GLIS1: variants seen among roughly 807,000 people sequenced by gnomAD.
GLIS1 encodes the protein GLIS family zinc finger 1, also known as zinc finger protein GLIS1.
Under a neutral mutation model 63.8 loss-of-function variants are expected in GLIS1, and 24 were observed. The observed-to-expected ratio is 0.38, with a 90% CI of 0.27 to 0.53. The LOEUF is 0.53. Among genes scored for constraint, GLIS1 ranks in the 20% least tolerant of loss-of-function variants. The pLI is 0.85. For missense variants in GLIS1, 1,036 were observed against 1,074.1 expected (o/e 0.96, Z 0.50); for synonymous variants, 450 against 482.5 (o/e 0.93, Z 0.88).
chr1:53,534,697 C>T (rs1644565305), intron 4 of GLIS1, among the ~76,000 whole-genome samples: 1 of 151,628 alleles, frequency 6.6e-6, no homozygotes. Context: ...GTGCACCCCC[C>T]ATCCTTCCAC....
At chr1:53,678,938 G>T (rs1557517687) in intron 2 of GLIS1, among the ~76,000 whole-genome samples, 2 of 152,170 alleles carry the variant, frequency 1.3e-5, no homozygotes, top group South Asian at 4.2e-4. Context: ...CCTGTGGTCT[G>T]GGTTCCCAGG....
At chr1:53,591,696 T>C (rs902834637) in intron 4 of GLIS1, among the ~76,000 whole-genome samples, 1 of 152,140 alleles carries the variant, frequency 6.6e-6, no homozygotes, top group African/African-American at 2.4e-5. Flanking sequence ...CAGGTGGAGT[T>C]GTCACTTAGA....
chr1:53,591,523 A>G (rs1201950628), intron 4 of GLIS1, among the ~76,000 whole-genome samples: 1 of 152,166 alleles, frequency 6.6e-6, no homozygotes, highest in Non-Finnish European at 1.5e-5. Context: ...AGTTATTTTT[A>G]TTACCATTAT....
At chr1:53,660,220 T>C (rs936817416) in intron 2 of GLIS1, among the ~76,000 whole-genome samples, 1 of 152,146 alleles carries the variant, frequency 6.6e-6, no homozygotes, top group African/African-American at 2.4e-5. Flanking sequence ...CTCATTTCCA[T>C]CTTGCAGACC....
In GLIS1 at chr1:53,664,916, T is replaced by G. The variant is rs568008838; in HGVS notation, c.260-64638A>C. On this transcript the variant is annotated intron_variant, in intron 2 of 10. Coordinates refer to ENST00000628545, the MANE Select transcript of GLIS1 (RefSeq NM_001367484.1). Reference sequence around the variant, plus strand: ...CCCTGGGGCAAGAGCACAGATGGTGTGTGAGGGTGAGCAAGGAGGCCTCTG... The same window carrying G: ...CCCTGGGGCAAGAGCACAGATGGTGGGTGAGGGTGAGCAAGGAGGCCTCTG... Among the ~76,000 whole-genome samples, 327 of 151,238 alleles carry G rather than the reference T, an allele frequency of 2.2e-3. 11 individuals are homozygous for G. In the South Asian group the frequency reaches 0.063, roughly 29 times the overall value.
chr1:53,600,847 G>T (rs1645309837), intron 2 of GLIS1, among the ~76,000 whole-genome samples: 1 of 152,240 alleles, frequency 6.6e-6, no homozygotes, highest in Non-Finnish European at 1.5e-5. Context: ...AACACAGTGT[G>T]CAATTATACC....
intron 2 of GLIS1, among the ~76,000 whole-genome samples, chr1:53,652,199 T>C (rs572931412): frequency 6.6e-6 from 1 of 152,330 alleles, no homozygotes; most frequent in South Asian, 2.1e-4. Flanking sequence ...GCCTCTCACA[T>C]GCTTAGCACA....
intron 4 of GLIS1, among the ~76,000 whole-genome samples, chr1:53,593,053 A>G (rs1010200211): frequency 2.0e-5 from 3 of 152,224 alleles, no homozygotes; most frequent in African/African-American, 7.2e-5. Context: ...CAAGTGCTCC[A>G]TGAGTGGGTG....
At chr1:53,593,027 A>G (rs1645208277) in intron 4 of GLIS1, among the ~76,000 whole-genome samples, 2 of 152,248 alleles carry the variant, frequency 1.3e-5, no homozygotes, top group South Asian at 4.1e-4. Context: ...TGGGGACACT[A>G]TGCCCCTTCC....
chr1:53,723,474 T>G (rs915591589), intron 2 of GLIS1, among the ~76,000 whole-genome samples: 1 of 152,110 alleles, frequency 6.6e-6, no homozygotes, highest in African/African-American at 2.4e-5. Context: ...CCTCAGGTGA[T>G]CCGCCTGCCT....
intron 4 of GLIS1, among the ~76,000 whole-genome samples, chr1:53,553,886 G>A (rs1283810193): frequency 1.3e-5 from 2 of 152,216 alleles, no homozygotes; most frequent in Admixed American, 1.3e-4. Context: ...AGGGGCTCTG[G>A]AGAGGTGGGG....
At chr1:53,556,567 G>GT (rs1557448877) in intron 4 of GLIS1, among the ~76,000 whole-genome samples, 8 of 89,644 alleles carry the variant, frequency 8.9e-5, no homozygotes, top group East Asian at 4.3e-4. Flanking sequence ...GTACTGCAGG[G>GT]GTGTGTGTAT....
chr1:53,565,441 T>C (rs1304723427), intron 4 of GLIS1, among the ~76,000 whole-genome samples: 1 of 151,988 alleles, frequency 6.6e-6, no homozygotes, highest in Non-Finnish European at 1.5e-5. Flanking sequence ...AAGACAGGAA[T>C]TAGTTCTTGA....
intron 2 of GLIS1, among the ~76,000 whole-genome samples, chr1:53,655,114 C>T (rs981036154): frequency 2.0e-5 from 3 of 152,126 alleles, no homozygotes; most frequent in African/African-American, 7.2e-5. Flanking sequence ...GAGGACCTGT[C>T]CTCATTTTTT....
At chr1:53,577,513 G>T (rs1002144968) in intron 4 of GLIS1, among the ~76,000 whole-genome samples, 1 of 152,212 alleles carries the variant, frequency 6.6e-6, no homozygotes, top group Non-Finnish European at 1.5e-5. Flanking sequence ...CACTCCTTGA[G>T]TGCGGGAAGT....
chr1:53,727,495 G>A (rs952566491), intron 2 of GLIS1, among the ~76,000 whole-genome samples: 4 of 152,242 alleles, frequency 2.6e-5, no homozygotes, highest in African/African-American at 7.2e-5. Flanking sequence ...ACTCGTAGCT[G>A]CTCTTTAAGC....
chr1:53,654,604 G>A (rs1645944096), intron 2 of GLIS1, among the ~76,000 whole-genome samples: 1 of 152,180 alleles, frequency 6.6e-6, no homozygotes, highest in Non-Finnish European at 1.5e-5. Context: ...AACCAGAACG[G>A]GGACTGGGAA....
intron 2 of GLIS1, among the ~76,000 whole-genome samples, chr1:53,687,873 C>T (rs1295376462): frequency 6.6e-6 from 1 of 152,200 alleles, no homozygotes; most frequent in Admixed American, 6.5e-5. Context: ...TTGACCTCCC[C>T]GCATCTCTCA....
intron 6 of GLIS1, among the ~76,000 whole-genome samples, chr1:53,524,499 C>A (rs1279160633): frequency 7.2e-5 from 11 of 152,212 alleles, no homozygotes; most frequent in Admixed American, 7.2e-4. Flanking sequence ...ACCACACAAG[C>A]CGCGGGAGGT....
Sources: gnomAD v4.1 joint callset for allele counts (sites outside exome capture counted in the v4.1 genomes callset) on GRCh38, gnomAD v4.1.1 for gene constraint, MANE v1.5 for transcripts, NCBI Gene and HGNC (gene_info 2026-07-23, HGNC 2026-07-21) for gene names.